Variants in PACRG observed in about 807,000 individuals in gnomAD.
The protein encoded by PACRG is parkin coregulated gene protein.
A neutral mutation model predicts 29.7 loss-of-function variants in PACRG; 29 were observed. That is an observed-to-expected ratio of 0.98 (90% CI 0.73 to 1.33). PACRG has a LOEUF of 1.33. Among genes scored for constraint, PACRG ranks in the 40% most tolerant of loss-of-function variants. The pLI, the probability that PACRG is intolerant of heterozygous loss-of-function variation, is 0.00. For synonymous variants in PACRG, 116 were observed against 118.7 expected (o/e 0.98, Z 0.15); for missense variants, 279 against 316.2 (o/e 0.88, Z 0.89).
chr6:162,877,925 C>T (rs1379882237), intron 2 of PACRG, among the ~76,000 whole-genome samples: 1 of 152,180 alleles, frequency 6.6e-6, no homozygotes, highest in African/African-American at 2.4e-5. Context: ...TATTAGATAG[C>T]AACGGTCACC....
intron 2 of PACRG, among the ~76,000 whole-genome samples, chr6:163,009,834 A>G (rs899243677): frequency 1.3e-5 from 2 of 152,246 alleles, no homozygotes; most frequent in African/African-American, 2.4e-5. Flanking sequence ...CACTTTAAAT[A>G]TAAGCTTTAT....
At chr6:162,882,732 C>G (rs921549304) in intron 2 of PACRG, among the ~76,000 whole-genome samples, 1 of 152,164 alleles carries the variant, frequency 6.6e-6, no homozygotes, top group Non-Finnish European at 1.5e-5. Flanking sequence ...TATGCATCCC[C>G]CAACTCCATC....
chr6:163,038,138 A>G (rs944714058), intron 2 of PACRG, among the ~76,000 whole-genome samples: 2 of 152,202 alleles, frequency 1.3e-5, no homozygotes, highest in East Asian at 3.9e-4. Context: ...CCAAGGTCCT[A>G]TCACTAATTT....
chr6:163,070,111 A>G (rs1394005227), intron 3 of PACRG, among the ~76,000 whole-genome samples: 2 of 152,144 alleles, frequency 1.3e-5, no homozygotes, highest in African/African-American at 4.8e-5. Context: ...CCAGAAAAAC[A>G]GAAGCTGAGG....
chr6:163,313,175 G>T (rs1785504110), intron 4 of PACRG, among the ~76,000 whole-genome samples: 1 of 151,550 alleles, frequency 6.6e-6, no homozygotes, highest in Non-Finnish European at 1.5e-5. Flanking sequence ...TTGAAATTCA[G>T]CTTTACCTGT....
chr6:162,891,488 G>T (rs1035142526), intron 2 of PACRG, among the ~76,000 whole-genome samples: 1 of 152,118 alleles, frequency 6.6e-6, no homozygotes, highest in Non-Finnish European at 1.5e-5. Flanking sequence ...ACCTGGGAGT[G>T]CTCTCTGGCT....
At chr6:163,217,144 G>C (rs983168181) in intron 4 of PACRG, among the ~76,000 whole-genome samples, 1 of 152,214 alleles carries the variant, frequency 6.6e-6, no homozygotes. Context: ...CAGGCTTGGC[G>C]ATAGAGGCTT....
chr6:163,237,241 C>T (rs1425315433), intron 4 of PACRG, among the ~76,000 whole-genome samples: 1 of 151,852 alleles, frequency 6.6e-6, no homozygotes, highest in Non-Finnish European at 1.5e-5. Flanking sequence ...GTTTTTTTGG[C>T]AGGGGGTGGG....
At chr6:162,995,026 G>T (rs1046265430) in intron 2 of PACRG, among the ~76,000 whole-genome samples, 2 of 151,024 alleles carry the variant, frequency 1.3e-5, no homozygotes, top group Non-Finnish European at 1.5e-5. Context: ...TGCCCCTGCT[G>T]GGGGGTGCCT....
chr6:162,760,120 C>T (rs763340531), intron 1 of PACRG, among the ~76,000 whole-genome samples: 6 of 152,118 alleles, frequency 3.9e-5, no homozygotes, highest in South Asian at 2.1e-4. Flanking sequence ...AGTCAGTCGT[C>T]GGCTACTGAT....
chr6:163,127,261 A>G (rs999535309), intron 4 of PACRG, among the ~76,000 whole-genome samples: 1 of 152,234 alleles, frequency 6.6e-6, no homozygotes, highest in Non-Finnish European at 1.5e-5. Context: ...TATTTCAGAC[A>G]AGTATTGTTT....
intron 4 of PACRG, among the ~76,000 whole-genome samples, chr6:163,269,657 A>G (rs1467899252): frequency 6.6e-6 from 1 of 151,870 alleles, no homozygotes; most frequent in African/African-American, 2.4e-5. Context: ...TTAAGGAGCC[A>G]ATGGGAGGCT....
intron 4 of PACRG, chr6:163,312,880 G>A (rs1486321992): frequency 2.7e-6 from 1 of 367,876 alleles, no homozygotes; most frequent in Non-Finnish European, 5.3e-6. Context: ...AGCCTCTCAA[G>A]TAGCTGAGAT....
chr6:162,970,678 C>G (rs1342506177), intron 2 of PACRG, among the ~76,000 whole-genome samples: 1 of 152,182 alleles, frequency 6.6e-6, no homozygotes, highest in African/African-American at 2.4e-5. Flanking sequence ...ATCTTCACAG[C>G]CCTTTATCTC....
intron 4 of PACRG, among the ~76,000 whole-genome samples, chr6:163,280,580 G>A (rs1784194353): frequency 6.6e-6 from 1 of 152,160 alleles, no homozygotes. Flanking sequence ...CTGAGCGGCT[G>A]GAACCACAAA....
At position 162,875,376 on chromosome 6, in the gene PACRG, C is replaced by A. The variant is rs537942621; in HGVS notation, c.291+61095C>A. On this transcript the variant is annotated intron_variant, in intron 2 of 4. Transcript: ENST00000366888. The stretch of plus-strand genomic sequence containing the variant: ...ACACACATTCACACACATTCATACA[C>A]AGACATTCACACACAGAAATTCACA... Among the ~76,000 whole-genome samples the A allele has an allele frequency of 3.9e-5, 6 of 152,184 alleles. No homozygotes were observed. The East Asian group carries it at 1.2e-3, about 29-fold the overall frequency.
Position 162,728,990 on chromosome 6 carries a change from C to T in PACRG, c.156+599C>T, listed in dbSNP as rs543528921. 2.2e-4 allele frequency among the ~76,000 whole-genome samples: 34 copies of T among 152,192 alleles called. 1 individual carries two copies. Among genetic ancestry groups the T allele is most frequent in the African/African-American group, 8.2e-4 (34 of 41,530 alleles). ...GCCTTTTAAGATGATGTGCTTTAAA[C>T]AATACAAGCTTTAGCTCATATATCT... On this transcript the variant is annotated intron_variant, in intron 1 of 4. Coordinates refer to ENST00000366888, the MANE Select transcript of PACRG (RefSeq NM_001080379.2).
At chr6:163,188,855 A>T (rs1780074439) in intron 4 of PACRG, among the ~76,000 whole-genome samples, 1 of 152,222 alleles carries the variant, frequency 6.6e-6, no homozygotes. Flanking sequence ...GTACAAAGCA[A>T]GCATGGGCTT....
intron 1 of PACRG, among the ~76,000 whole-genome samples, chr6:162,811,954 C>T (rs1562621378): frequency 6.6e-6 from 1 of 152,108 alleles, no homozygotes; most frequent in Non-Finnish European, 1.5e-5. Context: ...GTACACACAA[C>T]AACTTATATG....
Sources: allele counts gnomAD v4.1 joint callset (sites outside exome capture counted in the v4.1 genomes callset), GRCh38; gene constraint gnomAD v4.1.1; transcripts MANE v1.5; gene names NCBI Gene and HGNC (gene_info 2026-07-23, HGNC 2026-07-21).